ZNF526: variants seen among roughly 807,000 people sequenced by gnomAD.
ZNF526 encodes the protein zinc finger protein 526.
In ZNF526, 16 loss-of-function variants were observed where a neutral mutation model predicts 32.4. That is an observed-to-expected ratio of 0.49 (90% CI 0.33 to 0.75). The LOEUF (loss-of-function observed/expected upper bound fraction) is 0.75. ZNF526 is among the 30% of genes least tolerant of loss of function. The pLI, the probability that ZNF526 is intolerant of heterozygous loss-of-function variation, is 0.02. For synonymous variants in ZNF526, 355 were observed against 363.4 expected, an observed-to-expected ratio of 0.98 and a Z score of 0.26; for missense variants, 838 against 920.7, an observed-to-expected ratio of 0.91 and a Z score of 1.16.
Position 42,228,126 on chromosome 19 carries a change from G to A in ZNF526, c.*1710G>A, listed in dbSNP as rs781203609. 1.3e-5 allele frequency: 2 copies of A among 151,884 alleles called. No individual in the cohort carries two copies. Among genetic ancestry groups the A allele is most frequent in the Non-Finnish European group, 2.9e-5 (2 of 67,994 alleles). The allele number at this position is 151,884 out of a possible 1,614,324, so 9.4% of individuals were successfully genotyped here. On this transcript the variant is annotated 3_prime_UTR_variant, in exon 3 of 3. Coordinates refer to ENST00000301215, the MANE Select transcript of ZNF526 (RefSeq NM_133444.3). The stretch of plus-strand genomic sequence containing the variant: ...CGGAGGCAGGATTGCTTGATATGAG[G>A]GAGATTGAGGCTGCAGTGAGCTGTG...
chr19:42,225,763 GCTTCCCGGC>G lies in ZNF526; in HGVS notation c.1361_1369del (p.Ala454_Leu457delinsVal). 1 of 1,558,510 alleles carries G rather than the reference GCTTCCCGGC, an allele frequency of 6.4e-7. No homozygotes were observed. The highest frequency in any genetic ancestry group is 2.4e-5 in the East Asian group (1 of 40,964). On this transcript the variant is annotated inframe_deletion, in exon 3 of 3. Coordinates refer to ENST00000301215, the MANE Select transcript of ZNF526 (RefSeq NM_133444.3). ...ACAGTGCTCCAAGTCCTTTGCCTCA[GCTTCCCGGC>G]TGTCCCGGCACCGGCGTGCAGTACA... is the stretch of plus-strand genomic sequence containing the variant.
rs780548662 is a variant in ZNF526 at position 42,224,782 on chromosome 19, C to A, written c.379C>A (p.Gln127Lys). 1 of 1,614,054 alleles carries A rather than the reference C, an allele frequency of 6.2e-7. No individual in the cohort carries two copies. The highest frequency in any genetic ancestry group is 1.1e-5 in the South Asian group (1 of 91,082). The change falls in exon 3 of 3, where the codon CAG (glutamine) becomes AAG (lysine). Residue 127 changes from glutamine to lysine, a missense_variant. Coordinates refer to ENST00000301215, the MANE Select transcript of ZNF526 (RefSeq NM_133444.3). ...CTCCCCTGGGGAGCTCCTGGCCCACCAGGATGCCCACCTCCGAGAGTCTGC... is the reference window on the plus strand; with the variant it reads ...CTCCCCTGGGGAGCTCCTGGCCCACAAGGATGCCCACCTCCGAGAGTCTGC... ...ILSPGELLAH[Q>K]DAHLRESANQ...
rs751113483 is a variant in ZNF526, at chr19:42,224,659, G to C, written c.256G>C (p.Glu86Gln). 27 of 1,614,210 alleles carry C rather than the reference G, an allele frequency of 1.7e-5. No individual in the cohort carries two copies. Among genetic ancestry groups the C allele is most frequent in the East Asian group, 1.1e-4 (5 of 44,876 alleles). The change falls in exon 3 of 3, where the codon GAG becomes CAG. Residue 86 changes from glutamate (E) to glutamine (Q), a missense_variant. Coordinates refer to ENST00000301215, the MANE Select transcript of ZNF526 (RefSeq NM_133444.3). ...GCAGCACATGCTTGCTGTCTCAGAG[G>C]AGGAGGCACTGACCACACAGAATGT... ...QEQHMLAVSE[E>Q]EALTTQNVGL...
rs1054460557 is a variant in ZNF526 at position 42,226,666 on chromosome 19, A to C, written c.*250A>C. The C allele has an allele frequency of 4.4e-5, 27 of 614,500 alleles. No individual in the cohort carries two copies. In the African/African-American group the frequency reaches 4.6e-4, roughly 10 times the overall value. 38.1% of individuals were successfully genotyped at this position (614,500 alleles called of 1,614,324 possible). On this transcript the variant is annotated 3_prime_UTR_variant, in exon 3 of 3. Transcript: ENST00000301215. ...GTACCAGGTCACCCAGCTATGCTGCAAAGTGGGTTGGCCAAGGCCCTTTGC... is the reference window on the plus strand; with the variant it reads ...GTACCAGGTCACCCAGCTATGCTGCCAAGTGGGTTGGCCAAGGCCCTTTGC...
In ZNF526 at chr19:42,228,180, A is replaced by G. The variant is rs534651516; in HGVS notation, c.*1764A>G. ...ACACCACTGCACTCCAGTCTGGGCA[A>G]CAGTGCAAGACCCTGTCACTTAAAA... On this transcript the variant is annotated 3_prime_UTR_variant, in exon 3 of 3. Transcript: ENST00000301215. 6.6e-6 allele frequency: 1 copy of G among 151,762 alleles called. No individual in the cohort carries two copies. Among genetic ancestry groups the G allele is most frequent in the South Asian group, 2.1e-4 (1 of 4,778 alleles). The allele number at this position is 151,762 out of a possible 1,614,324, so 9.4% of individuals were successfully genotyped here.
Position 42,221,944 on chromosome 19 carries a change from G to A in ZNF526, c.-109+1557G>A, listed in dbSNP as rs1213901876. The stretch of plus-strand genomic sequence containing the variant: ...CTCCCAAAGTGCTAGGATTGCAGAT[G>A]TGAGCCACCACACCTGGCCTGGGAG... On this transcript the variant is annotated intron_variant, in intron 1 of 2. Coordinates refer to ENST00000301215, the MANE Select transcript of ZNF526 (RefSeq NM_133444.3). Among the ~76,000 whole-genome samples, 8 of 152,268 alleles carry A rather than the reference G, an allele frequency of 5.3e-5. No individual in the cohort carries two copies. In the East Asian group the frequency reaches 1.5e-3, roughly 29 times the overall value.
intron 1 of ZNF526, among the ~76,000 whole-genome samples, chr19:42,221,679 T>C (rs1227234903): frequency 2.0e-5 from 3 of 151,688 alleles, no homozygotes; most frequent in African/African-American, 4.8e-5. Context: ...TTGCCAGGCA[T>C]GATGGCAGAT....
At chr19:42,221,008 C>A (rs1440236997) in intron 1 of ZNF526, among the ~76,000 whole-genome samples, 1 of 152,102 alleles carries the variant, frequency 6.6e-6, no homozygotes, top group East Asian at 1.9e-4. Context: ...CCTGGCAACT[C>A]AAAAATTAGG....
At position 42,225,921 on chromosome 19, in the gene ZNF526, C is replaced by T; in HGVS notation, c.1518C>T (p.Gly506=). 6.2e-7 allele frequency: 1 copy of T among 1,614,190 alleles called. No homozygotes were observed. Among genetic ancestry groups the T allele is most frequent in the Non-Finnish European group, 8.5e-7 (1 of 1,180,046 alleles). ...GERPFQCHSC[G]KTFASLANLS... Reference sequence around the variant, plus strand: ...GGCCCTTCCAGTGCCACTCATGTGGCAAGACCTTTGCTTCTTTGGCCAACC... The same window carrying T: ...GGCCCTTCCAGTGCCACTCATGTGGTAAGACCTTTGCTTCTTTGGCCAACC... The change falls in exon 3 of 3, where the codon GGC becomes GGT. Residue 506 remains glycine, a synonymous_variant. Transcript: ENST00000301215.
rs764677316 is a variant in ZNF526, at chr19:42,225,104, A to C, written c.701A>C (p.Glu234Ala). 1.2e-6 allele frequency: 2 copies of C among 1,614,114 alleles called. No individual in the cohort carries two copies. The highest frequency in any genetic ancestry group is 8.5e-7 in the Non-Finnish European group (1 of 1,180,020). Residue 234 changes from glutamate (E) to alanine (A), a missense_variant, in exon 3 of 3, where the codon GAG becomes GCG. Glu to Ala is a moderately radical substitution (Grantham distance 107). Coordinates refer to ENST00000301215, the MANE Select transcript of ZNF526 (RefSeq NM_133444.3). ...EKEERNGLEE[E>A]EEDDEEDEED... ...GAGGAGCGCAATGGGTTGGAGGAGG[A>C]GGAAGAGGACGATGAGGAGGATGAA...
chr19:42,220,786 C>T (rs146653163), intron 1 of ZNF526, among the ~76,000 whole-genome samples: 3 of 152,266 alleles, frequency 2.0e-5, no homozygotes, highest in East Asian at 3.9e-4. Context: ...GAATCGTAGA[C>T]GAGGAAAGGG....
chr19:42,226,422 C>A lies in ZNF526; in HGVS notation c.*6C>A. On this transcript the variant is annotated 3_prime_UTR_variant, in exon 3 of 3. Coordinates refer to ENST00000301215, the MANE Select transcript of ZNF526 (RefSeq NM_133444.3). ...TGGACACGGCCTTCGTGTGACGCAG[C>A]TGAAAAGCAACAACAAAAGGGTTTG... 1 of 1,614,180 alleles carries A rather than the reference C, an allele frequency of 6.2e-7. No homozygotes were observed. The highest frequency in any genetic ancestry group is 1.1e-5 in the South Asian group (1 of 91,080).
Position 42,225,566 on chromosome 19 carries a change from A to G in ZNF526, c.1163A>G (p.His388Arg). Residue 388 changes from histidine (H) to arginine (R), a missense_variant, in exon 3 of 3, where the codon CAT becomes CGT. Physicochemically the swap from His to Arg is conservative, Grantham distance 29. Transcript: ENST00000301215. The part of the protein sequence containing the change: ...HRRAHTANPL[H>R]RCRCGKTFSN... ...CGGGCCCACACTGCCAACCCATTGC[A>G]TCGCTGTCGTTGCGGCAAGACGTTC... 1 of 1,609,296 alleles carries G rather than the reference A, an allele frequency of 6.2e-7. No homozygotes were observed. Among genetic ancestry groups the G allele is most frequent in the Non-Finnish European group, 8.5e-7 (1 of 1,176,302 alleles).
intron 1 of ZNF526, among the ~76,000 whole-genome samples, chr19:42,223,669 T>C (rs1480605058): frequency 6.6e-6 from 1 of 150,804 alleles, no homozygotes; most frequent in Non-Finnish European, 1.5e-5. Context: ...ATACAAAAAT[T>C]AGCTGGGCAT....
Position 42,224,958 on chromosome 19 carries a change from A to T in ZNF526, c.555A>T (p.Pro185=), listed in dbSNP as rs1418161549. The change falls in exon 3 of 3, where the codon CCA becomes CCT. Residue 185 remains proline (P), a synonymous_variant. Coordinates refer to ENST00000301215, the MANE Select transcript of ZNF526 (RefSeq NM_133444.3). ...PPLPPPTPLP[P]PSPPSEVKME... ...TGCCTCCCCCAACACCACTGCCTCC[A>T]CCTTCTCCCCCATCCGAAGTCAAGA... 1 of 1,613,972 alleles carries T rather than the reference A, an allele frequency of 6.2e-7. No individual in the cohort carries two copies. The highest frequency in any genetic ancestry group is 1.1e-5 in the South Asian group (1 of 91,070).
rs569291252 is a variant in ZNF526, at chr19:42,225,159, G to A, written c.756G>A (p.Glu252=). The A allele has an allele frequency of 6.8e-4, 1,105 of 1,613,884 alleles. 14 individuals are homozygous for A. In the South Asian group the frequency reaches 0.012, roughly 17 times the overall value. Reference sequence around the variant, plus strand: ...ATGATGAAGAGATGGAGGATGAGGAGGCCATGGCAGAGGTCGGTGATGATG... The same window carrying A: ...ATGATGAAGAGATGGAGGATGAGGAAGCCATGGCAGAGGTCGGTGATGATG... ...EEDDEEMEDE[E]AMAEVGDDAV... The change falls in exon 3 of 3, where the codon GAG becomes GAA. Residue 252 remains glutamate, a synonymous_variant. Coordinates refer to ENST00000301215, the MANE Select transcript of ZNF526 (RefSeq NM_133444.3).
chr19:42,222,962 G>A (rs2036137348), intron 1 of ZNF526, among the ~76,000 whole-genome samples: 1 of 152,196 alleles, frequency 6.6e-6, no homozygotes. Flanking sequence ...ACAAGTACCA[G>A]GGACTTTGTG....
intron 1 of ZNF526, among the ~76,000 whole-genome samples, chr19:42,222,777 A>C (rs1175826042): frequency 1.3e-5 from 2 of 152,220 alleles, no homozygotes; most frequent in Non-Finnish European, 2.9e-5. Flanking sequence ...ACAGGATACC[A>C]TAGGAACCCT....
rs761584123 is a variant in ZNF526 at position 42,225,647 on chromosome 19, C to T, written c.1244C>T (p.Ala415Val). The T allele has an allele frequency of 1.2e-6, 2 of 1,612,958 alleles. No homozygotes were observed. The highest frequency in any genetic ancestry group is 8.5e-7 in the Non-Finnish European group (1 of 1,179,296). Residue 415 changes from alanine to valine, a missense_variant, in exon 3 of 3, where the codon GCA (alanine) becomes GTA (valine). Coordinates refer to ENST00000301215, the MANE Select transcript of ZNF526 (RefSeq NM_133444.3). Reference protein sequence around the residue: ...HRRTHAGKSGAPPTGATAPPA... With the variant: ...HRRTHAGKSGVPPTGATAPPA... ...CGCACTCACGCCGGCAAAAGCGGGG[C>T]ACCTCCCACAGGAGCAACAGCTCCC...
Sources: gnomAD v4.1 joint callset for allele counts (sites outside exome capture counted in the v4.1 genomes callset) on GRCh38, gnomAD v4.1.1 for gene constraint, MANE v1.5 for transcripts, NCBI Gene and HGNC (gene_info 2026-07-23, HGNC 2026-07-21) for gene names.